Variants in ATP1B3 observed in about 807,000 individuals in gnomAD.
ATP1B3 encodes the protein ATPase Na+/K+ transporting subunit beta 3.
Under a neutral mutation model 30.2 loss-of-function variants are expected in ATP1B3, and 10 were observed. That is an observed-to-expected ratio of 0.33 (90% confidence interval 0.20 to 0.56). ATP1B3 has a LOEUF of 0.56. Among genes scored for constraint, ATP1B3 ranks in the 20% least tolerant of loss-of-function variants. The probability of loss-of-function intolerance (pLI) is 0.90; values close to 1 mark genes in which losing one functional copy is unlikely to be tolerated. For missense variants in ATP1B3, 238 were observed against 336.7 expected (o/e 0.71, Z 2.29); for synonymous variants, 113 against 117.0 (o/e 0.97, Z 0.22).
rs528309614 is a variant in ATP1B3 at position 141,881,448 on chromosome 3, G to T, written c.109+4538G>T. ...TTTTCTTTTACTATAGTTCCATGAA[G>T]TGCCATTTTCTCAGTCACTTCTGGG... On this transcript the variant is annotated intron_variant, in intron 1 of 6. Transcript: ENST00000286371. Among the ~76,000 whole-genome samples, 5 of 152,266 alleles carry T rather than the reference G, an allele frequency of 3.3e-5. No individual in the cohort carries two copies. The South Asian group carries it at 6.2e-4, about 19-fold the overall frequency.
At chr3:141,891,821 GATACAA>G (rs1201201717) in intron 1 of ATP1B3, among the ~76,000 whole-genome samples, 1 of 149,870 alleles carries the variant, frequency 6.7e-6, no homozygotes, top group African/African-American at 2.4e-5. Flanking sequence ...CAGGGATTGA[GATACAA>G]CTTTCTAAAT....
intron 4 of ATP1B3, among the ~76,000 whole-genome samples, chr3:141,914,292 G>GTA (rs746603473): frequency 1.5e-4 from 23 of 152,162 alleles, no homozygotes; most frequent in African/African-American, 3.4e-4. Context: ...TATAGTATCA[G>GTA]TATATATATA....
chr3:141,894,262 A>G (rs1228807890), intron 1 of ATP1B3, among the ~76,000 whole-genome samples: 1 of 152,192 alleles, frequency 6.6e-6, no homozygotes, highest in East Asian at 1.9e-4. Flanking sequence ...CACTTAGGCT[A>G]CACTAAATTT....
chr3:141,900,545 T>G (rs984775629), intron 1 of ATP1B3, among the ~76,000 whole-genome samples: 5 of 152,128 alleles, frequency 3.3e-5, no homozygotes, highest in Non-Finnish European at 7.4e-5. Context: ...AACTTGAGGG[T>G]GCAGTGGAAA....
At chr3:141,919,514 G>GA (rs1357055434) in intron 5 of ATP1B3, among the ~76,000 whole-genome samples, 3 of 152,002 alleles carry the variant, frequency 2.0e-5, no homozygotes, top group African/African-American at 7.3e-5. Flanking sequence ...ATTTTCTTAT[G>GA]AAAATGAATC....
rs561563121 is a variant in ATP1B3 at position 141,902,083 on chromosome 3, C to CTA, written c.110-1534_110-1533dup. The CTA allele has an allele frequency of 2.9e-4, 363 of 1,239,906 alleles. 2 individuals are homozygous for CTA. In the African/African-American group the frequency reaches 4.6e-3, roughly 16 times the overall value. The allele number at this position is 1,239,906 out of a possible 1,614,324, so 76.8% of individuals were successfully genotyped here. On this transcript the variant is annotated intron_variant, in intron 1 of 6. Coordinates refer to ENST00000286371, the MANE Select transcript of ATP1B3 (RefSeq NM_001679.4). Reference sequence around the variant, plus strand: ...GGCTTTCTGTGTGTTTCATTTCCCTCTATAGCAAACTGTTTACTTCTTTGA... The same window carrying CTA: ...GGCTTTCTGTGTGTTTCATTTCCCTCTATATAGCAAACTGTTTACTTCTTTGA...
chr3:141,923,236 C>G (rs1039983372), intron 6 of ATP1B3, among the ~76,000 whole-genome samples: 2 of 151,378 alleles, frequency 1.3e-5, no homozygotes, highest in African/African-American at 4.9e-5. Flanking sequence ...CAAGACTGCA[C>G]CATTGCACTC....
chr3:141,915,837 A>T, intron 4 of ATP1B3, 133 bp from the exon 5 acceptor site: 1 of 482,604 alleles, frequency 2.1e-6, no homozygotes, highest in Non-Finnish European at 3.6e-6. Context: ...AAATAAGATT[A>T]AAGTAAAAGG....
intron 5 of ATP1B3, among the ~76,000 whole-genome samples, chr3:141,918,052 G>A (rs1934501099): frequency 6.6e-6 from 1 of 152,096 alleles, no homozygotes; most frequent in Admixed American, 6.6e-5. Context: ...ACAGGCGTGA[G>A]CCACCGCGCC....
rs550398969 is a variant in ATP1B3 at position 141,919,100 on chromosome 3, A to G, written c.583-2877A>G. 8 of 152,360 alleles carry G rather than the reference A, an allele frequency of 5.3e-5. No individual in the cohort carries two copies. The East Asian group carries it at 1.3e-3, about 26-fold the overall frequency. 9.4% of individuals were successfully genotyped at this position (152,360 alleles called of 1,614,324 possible). On this transcript the variant is annotated intron_variant, in intron 5 of 6. Transcript: ENST00000286371. ...CAGATGGAAGCATTTACTACATATCATAATTGCAATTTTCTATTAGATTTG... is the reference window on the plus strand; with the variant it reads ...CAGATGGAAGCATTTACTACATATCGTAATTGCAATTTTCTATTAGATTTG...
intron 1 of ATP1B3, chr3:141,902,234 G>T (rs1166395146): frequency 4.2e-6 from 4 of 947,792 alleles, no homozygotes; most frequent in East Asian, 7.7e-5. Flanking sequence ...CCTGGTAATT[G>T]GGGGGGAGGG....
At chr3:141,890,490 A>T (rs1456576948) in intron 1 of ATP1B3, among the ~76,000 whole-genome samples, 1 of 150,900 alleles carries the variant, frequency 6.6e-6, no homozygotes, top group East Asian at 1.9e-4. Flanking sequence ...TTTAGTAGAG[A>T]TGGGGTTTCA....
rs1253375383 is a variant in ATP1B3 at position 141,889,716 on chromosome 3, G to A, written c.109+12806G>A. On this transcript the variant is annotated intron_variant, in intron 1 of 6. Coordinates refer to ENST00000286371, the MANE Select transcript of ATP1B3 (RefSeq NM_001679.4). ...GCACACCAGCCTGGGCAAAAAGAGC[G>A]AGACTCCGTCTCAAAAAAAAAAAAA... 5.7e-5 allele frequency among the ~76,000 whole-genome samples: 7 copies of A among 122,830 alleles called. No homozygotes were observed. In the South Asian group the frequency reaches 1.3e-3, roughly 23 times the overall value. 80.6% of individuals were successfully genotyped at this position (122,830 alleles called of 152,430 possible). A position where few individuals can be genotyped will look rare whatever the true frequency, so the allele number is the denominator to read the frequency against.
At chr3:141,913,560 T>G (rs1934405112) in intron 3 of ATP1B3, 92 bp from the exon 4 acceptor site, 1 of 1,142,130 alleles carries the variant, frequency 8.8e-7, no homozygotes. Context: ...TGTTTTTGTC[T>G]TTGAAGAACA....
chr3:141,880,248 G>A (rs1004352851), intron 1 of ATP1B3, among the ~76,000 whole-genome samples: 2 of 152,194 alleles, frequency 1.3e-5, no homozygotes, highest in African/African-American at 2.4e-5. Context: ...AAGATTTTGA[G>A]TGGCCGCTTT....
chr3:141,907,316 T>C (rs371578919), intron 3 of ATP1B3, 42 bp downstream of exon 3: 30 of 1,524,996 alleles, frequency 2.0e-5, no homozygotes, highest in South Asian at 9.3e-5. Context: ...ATTTTAGTTA[T>C]AGAAATTAGT....
chr3:141,923,061 T>A (rs1475226335), intron 6 of ATP1B3, among the ~76,000 whole-genome samples: 1 of 151,864 alleles, frequency 6.6e-6, no homozygotes, highest in Non-Finnish European at 1.5e-5. Flanking sequence ...GCAGATCACC[T>A]GAGGTCAGGA....
chr3:141,921,062 CA>C (rs1367502210), intron 5 of ATP1B3, among the ~76,000 whole-genome samples: 1 of 151,896 alleles, frequency 6.6e-6, no homozygotes, highest in African/African-American at 2.4e-5. Flanking sequence ...AACCCTGTCT[CA>C]AAAAAATTTT....
At chr3:141,924,437 G>A (rs1300168065) in intron 6 of ATP1B3, among the ~76,000 whole-genome samples, 2 of 151,502 alleles carry the variant, frequency 1.3e-5, no homozygotes, top group South Asian at 2.1e-4. Flanking sequence ...TCAGGAGTTC[G>A]AGACCAGCCT....
Sources: gnomAD v4.1 joint callset for allele counts (sites outside exome capture counted in the v4.1 genomes callset) on GRCh38, gnomAD v4.1.1 for gene constraint, MANE v1.5 for transcripts, NCBI Gene and HGNC (gene_info 2026-07-23, HGNC 2026-07-21) for gene names.